PDE4D: variants seen among roughly 807,000 people sequenced by gnomAD.
PDE4D encodes the protein phosphodiesterase 4D.
PDE4D carries 24 observed loss-of-function variants against 87.4 expected under a neutral mutation model. The ratio of observed to expected loss-of-function variants is 0.27; its 90% CI spans 0.20 to 0.39. PDE4D has a LOEUF of 0.39. Ranked by LOEUF, PDE4D falls within the 10% of genes least tolerant of loss-of-function variation. The pLI, the probability that PDE4D is intolerant of heterozygous loss-of-function variation, is 1.00. For synonymous variants in PDE4D, 384 were observed against 383.2 expected (o/e 1.00, Z -0.02); for missense variants, 714 against 1,041.0 (o/e 0.69, Z 4.32).
At chr5:59,355,379 G>A (rs1781210019) in intron 1 of PDE4D, among the ~76,000 whole-genome samples, 1 of 152,070 alleles carries the variant, frequency 6.6e-6, no homozygotes, top group African/African-American at 2.4e-5. Flanking sequence ...TTCAGCAGCT[G>A]GAGATTTATG....
chr5:59,800,566 T>C (rs1387842631), intron 1 of PDE4D, among the ~76,000 whole-genome samples: 2 of 151,986 alleles, frequency 1.3e-5, no homozygotes, highest in Non-Finnish European at 2.9e-5. Flanking sequence ...TTTAGAAAAG[T>C]GATAAAAATA....
At chr5:60,142,047 T>C (rs2961900) in intron 2 of PDE4D, among the ~76,000 whole-genome samples, 22,256 of 152,124 alleles carry the variant, frequency 0.15, 1,691 homozygotes, top group South Asian at 0.23. Flanking sequence ...TTGGGTCCTT[T>C]CACTTAAAAC....
intron 1 of PDE4D, among the ~76,000 whole-genome samples, chr5:59,888,956 G>A (rs989753823): frequency 2.0e-5 from 3 of 151,940 alleles, no homozygotes; most frequent in Admixed American, 6.6e-5. Context: ...TGCCAGGCAC[G>A]GTGGCTTACG....
rs1356368066 is a variant in PDE4D at position 60,398,787 on chromosome 5, C to T, written c.-90+89155G>A. Among the ~76,000 whole-genome samples the T allele has an allele frequency of 5.9e-5, 9 of 152,250 alleles. No homozygotes were observed. The East Asian group carries it at 1.5e-3, about 26-fold the overall frequency. ...TGAATTTATTCAATTCCCATACCAA[C>T]TCTGTGAGATAAAGATTACCACTGC... On this transcript the variant is annotated intron_variant, in intron 1 of 16. Coordinates refer to the PDE4D transcript ENST00000502484.
chr5:59,037,796 A>C, intron 6 of PDE4D, among the ~76,000 whole-genome samples: 1 of 151,944 alleles, frequency 6.6e-6, no homozygotes, highest in East Asian at 1.9e-4. Flanking sequence ...TTTTGTAAAA[A>C]CTGCATGAGA....
chr5:59,420,781 G>A (rs1041304749), intron 1 of PDE4D, among the ~76,000 whole-genome samples: 1 of 151,776 alleles, frequency 6.6e-6, no homozygotes, highest in Non-Finnish European at 1.5e-5. Context: ...TATACATGAT[G>A]GATTGCCATG....
chr5:59,391,243 G>C (rs1465194486), intron 1 of PDE4D, among the ~76,000 whole-genome samples: 1 of 152,138 alleles, frequency 6.6e-6, no homozygotes, highest in Non-Finnish European at 1.5e-5. Context: ...TGAAGAGGGA[G>C]TCAGAAGAAG....
At chr5:59,469,109 C>T (rs1401185535) in intron 1 of PDE4D, among the ~76,000 whole-genome samples, 1 of 152,000 alleles carries the variant, frequency 6.6e-6, no homozygotes. Context: ...GGGTGGATCA[C>T]GAGGTCAGGA....
intron 1 of PDE4D, among the ~76,000 whole-genome samples, chr5:60,474,991 C>T (rs1245017742): frequency 6.6e-6 from 1 of 152,052 alleles, no homozygotes; most frequent in Non-Finnish European, 1.5e-5. Context: ...AATACTTTAC[C>T]TTTTTTTAAG....
chr5:59,323,918 A>G (rs1441624741), intron 1 of PDE4D, among the ~76,000 whole-genome samples: 1 of 152,044 alleles, frequency 6.6e-6, no homozygotes, highest in Non-Finnish European at 1.5e-5. Flanking sequence ...GTTTACCTCT[A>G]TAGCCCTATT....
In PDE4D at chr5:60,198,961, TA is replaced by T. The variant is rs1325472095; in HGVS notation, c.-89-13275del. ...AAATGAGAGAAGCCTGTACTAATTC[TA>T]GAGACACTCAATTATAGTACAAGAT... is the stretch of plus-strand genomic sequence containing the variant. On this transcript the variant is annotated intron_variant, in intron 1 of 16. Transcript: ENST00000502484. 2.6e-5 allele frequency among the ~76,000 whole-genome samples: 4 copies of T among 151,896 alleles called. 1 individual carries two copies. Among genetic ancestry groups the T allele is most frequent in the Admixed American group, 1.3e-4 (2 of 15,238 alleles).
chr5:59,855,342 A>G (rs1053879165), intron 1 of PDE4D, among the ~76,000 whole-genome samples: 4 of 152,140 alleles, frequency 2.6e-5, no homozygotes, highest in African/African-American at 9.7e-5. Context: ...CTTAAGCCTC[A>G]CTTTTATTTA....
chr5:59,004,282 T>C (rs1751131705), intron 6 of PDE4D, among the ~76,000 whole-genome samples: 1 of 152,220 alleles, frequency 6.6e-6, no homozygotes, highest in East Asian at 1.9e-4. Context: ...CTGTGTGACC[T>C]TGGGGAAGCT....
At chr5:59,661,858 T>C (rs1369033023) in intron 1 of PDE4D, among the ~76,000 whole-genome samples, 1 of 152,232 alleles carries the variant, frequency 6.6e-6, no homozygotes, top group Admixed American at 6.5e-5. Context: ...AGGCATTCTG[T>C]CCTGTTTGCC....
At chr5:59,761,411 T>C (rs995333427) in intron 1 of PDE4D, among the ~76,000 whole-genome samples, 1 of 152,180 alleles carries the variant, frequency 6.6e-6, no homozygotes. Context: ...ACTGTAACTT[T>C]TTACTTTATA....
chr5:59,073,111 T>C (rs1235966275), intron 5 of PDE4D, among the ~76,000 whole-genome samples: 1 of 152,228 alleles, frequency 6.6e-6, no homozygotes, highest in Non-Finnish European at 1.5e-5. Context: ...CAACAAACTT[T>C]ATTGAACAGT....
intron 2 of PDE4D, among the ~76,000 whole-genome samples, chr5:59,202,551 T>G (rs1747733242): frequency 2.0e-5 from 3 of 152,106 alleles, no homozygotes; most frequent in South Asian, 2.1e-4. Context: ...AGAATTTTTT[T>G]TTTTTGAGAT....
At chr5:60,290,348 A>G (rs973202683) in intron 1 of PDE4D, among the ~76,000 whole-genome samples, 1 of 152,128 alleles carries the variant, frequency 6.6e-6, no homozygotes, top group Non-Finnish European at 1.5e-5. Flanking sequence ...AGGAAACAAA[A>G]TGTATAAGGA....
At chr5:60,427,882 G>A (rs529513691) in intron 1 of PDE4D, among the ~76,000 whole-genome samples, 3 of 152,050 alleles carry the variant, frequency 2.0e-5, no homozygotes, top group African/African-American at 7.2e-5. Context: ...GACCAGCCTG[G>A]GCAATATAGT....
Sources: allele counts gnomAD v4.1 joint callset (sites outside exome capture counted in the v4.1 genomes callset), GRCh38; gene constraint gnomAD v4.1.1; transcripts MANE v1.5; gene names NCBI Gene and HGNC (gene_info 2026-07-23, HGNC 2026-07-21).